The following SRPRB variants were observed in gnomAD, a reference collection of about 807,000 sequenced individuals.
The protein encoded by SRPRB is signal recognition particle receptor subunit beta.
In SRPRB, 20 loss-of-function variants were observed where a neutral mutation model predicts 31.9. That is an observed-to-expected ratio of 0.63 (90% CI 0.44 to 0.91). The LOEUF (loss-of-function observed/expected upper bound fraction) is 0.91, where lower values mean the gene tolerates loss of function less well. Among genes scored for constraint, SRPRB ranks in the 40% least tolerant of loss-of-function variants. The pLI is 0.00. For synonymous variants in SRPRB, 146 were observed against 132.8 expected, an observed-to-expected ratio of 1.10 and a Z score of -0.68; for missense variants, 321 against 324.9, an observed-to-expected ratio of 0.99 and a Z score of 0.09.
chr3:133,819,212 C>T (rs1371202019), intron 6 of SRPRB, among the ~76,000 whole-genome samples: 1 of 152,130 alleles, frequency 6.6e-6, no homozygotes, highest in Admixed American at 6.5e-5. Context: ...GTTTTTATAA[C>T]ACTTAAAGCA....
Position 133,819,999 on chromosome 3 carries a change from C to T in SRPRB, c.*233C>T, listed in dbSNP as rs1935442661. On this transcript the variant is annotated 3_prime_UTR_variant, in exon 7 of 7. Coordinates refer to ENST00000678299, the MANE Select transcript of SRPRB (RefSeq NM_001379313.1). The stretch of plus-strand genomic sequence containing the variant: ...AGTACCTTTTATCTGATGCCTGTAT[C>T]TTCCCTTTGTTAAGGTGTAACTTGA... The T allele has an allele frequency of 4.1e-6, 2 of 493,492 alleles. No individual in the cohort carries two copies. Among genetic ancestry groups the T allele is most frequent in the Non-Finnish European group, 7.3e-6 (2 of 274,584 alleles). The allele number at this position is 493,492 out of a possible 1,614,324, so 30.6% of individuals were successfully genotyped here.
At chr3:133,818,381 G>T (rs561405935) in intron 6 of SRPRB, among the ~76,000 whole-genome samples, 2 of 152,132 alleles carry the variant, frequency 1.3e-5, no homozygotes, top group African/African-American at 4.8e-5. Flanking sequence ...GCATTGAAAG[G>T]CAATGCTTTC....
intron 6 of SRPRB, among the ~76,000 whole-genome samples, chr3:133,819,033 G>A (rs1372931116): frequency 1.3e-5 from 2 of 152,084 alleles, no homozygotes; most frequent in Non-Finnish European, 2.9e-5. Context: ...TGGCAGTAAG[G>A]GGACTTACAT....
At chr3:133,794,241 A>G (rs1314716804) in intron 1 of SRPRB, 1 of 152,246 alleles carries the variant, frequency 6.6e-6, no homozygotes, top group Non-Finnish European at 1.5e-5. Context: ...CGGAAAAGAT[A>G]AAATGATCCA....
At chr3:133,814,344 G>A (rs1203666419) in intron 4 of SRPRB, among the ~76,000 whole-genome samples, 3 of 152,120 alleles carry the variant, frequency 2.0e-5, no homozygotes, top group Non-Finnish European at 2.9e-5. Context: ...TGTTAGCCAG[G>A]ATGGTCTCGA....
In SRPRB at chr3:133,811,110, T is replaced by C; in HGVS notation, c.328-7T>C. 6.2e-7 allele frequency: 1 copy of C among 1,613,940 alleles called. No individual in the cohort carries two copies. The highest frequency in any genetic ancestry group is 1.3e-5 in the African/African-American group (1 of 75,042). On this transcript the variant is annotated splice_polypyrimidine_tract_variant and splice_region_variant and intron_variant, in intron 3 of 6. Transcript: ENST00000678299. ...TGAAACGTTAATGTTATTGCTGCCATCCCCAGGGCAATAGTCTGACCTTGA... is the reference window on the plus strand; with the variant it reads ...TGAAACGTTAATGTTATTGCTGCCACCCCCAGGGCAATAGTCTGACCTTGA...
intron 1 of SRPRB, chr3:133,792,741 T>A (rs1364602725): frequency 6.6e-6 from 1 of 152,006 alleles, no homozygotes; most frequent in East Asian, 1.9e-4. Flanking sequence ...GTCTAAAGGG[T>A]TAAAGGATTG....
At chr3:133,784,670 G>T (rs1934611946) in intron 1 of SRPRB, 1 of 151,912 alleles carries the variant, frequency 6.6e-6, no homozygotes, top group Non-Finnish European at 1.5e-5. Flanking sequence ...CTCTAATAAT[G>T]CCTGATGATC....
downstream of SRPRB, chr3:133,827,652 G>A (rs1223378935): frequency 1.8e-6 from 1 of 543,224 alleles, no homozygotes; most frequent in African/African-American, 1.9e-5. Flanking sequence ...TGAAAACATA[G>A]CAACAAATCA....
At chr3:133,815,463 A>T in intron 4 of SRPRB, 127 bp from the exon 5 acceptor site, 1 of 1,067,116 alleles carries the variant, frequency 9.4e-7, no homozygotes, top group Non-Finnish European at 1.4e-6. Flanking sequence ...ATATGCACAG[A>T]CCTGCATGTG....
At chr3:133,793,190 CAA>C (rs1187845274) in intron 1 of SRPRB, 2 of 152,050 alleles carry the variant, frequency 1.3e-5, no homozygotes, top group African/African-American at 2.4e-5. Flanking sequence ...AAGGGAAAGA[CAA>C]GAGACAGATT....
rs114109006 is a variant in SRPRB at position 133,816,461 on chromosome 3, G to A, written c.548-417G>A. 9.7e-4 allele frequency among the ~76,000 whole-genome samples: 148 copies of A among 152,272 alleles called. 1 individual carries two copies. The highest frequency in any genetic ancestry group is 6.8e-3 in the Middle Eastern group (2 of 294). On this transcript the variant is annotated intron_variant, in intron 5 of 6. Transcript: ENST00000678299. The stretch of plus-strand genomic sequence containing the variant: ...GTACACTTAATGCTTTAAACATACC[G>A]TCTTAGGATCAATTGGAAACATGCT...
chr3:133,806,163 C>T (rs1482377348), intron 1 of SRPRB, among the ~76,000 whole-genome samples, 161 bp downstream of exon 1: 1 of 152,158 alleles, frequency 6.6e-6, no homozygotes, highest in Non-Finnish European at 1.5e-5. Flanking sequence ...CCTGAAGCAG[C>T]GGCAGCAGCT....
chr3:133,816,770 AAG>A, intron 5 of SRPRB, 106 bp from the exon 6 acceptor site: 6 of 810,964 alleles, frequency 7.4e-6, no homozygotes, highest in Non-Finnish European at 9.4e-6. Flanking sequence ...TTTTTAAAAA[AAG>A]AGAAAAACTT....
chr3:133,817,077 T>G (rs1935381292), intron 6 of SRPRB, 145 bp downstream of exon 6: 2 of 593,712 alleles, frequency 3.4e-6, no homozygotes, highest in South Asian at 1.3e-4. Flanking sequence ...GTTAAATAAT[T>G]TACAAAATAA....
chr3:133,807,740 T>C lies in SRPRB; in HGVS notation c.250-6T>C. On this transcript the variant is annotated splice_polypyrimidine_tract_variant and splice_region_variant and intron_variant, in intron 2 of 6. Transcript: ENST00000678299. The stretch of plus-strand genomic sequence containing the variant: ...TTGAATATCACCCATCTTGTTTTTT[T>C]TACAGTTGTTAACAGGCCTTTATAG... The C allele has an allele frequency of 6.2e-7, 1 of 1,607,736 alleles. No individual in the cohort carries two copies. Among genetic ancestry groups the C allele is most frequent in the Non-Finnish European group, 8.5e-7 (1 of 1,175,740 alleles).
At chr3:133,804,211 C>CA (rs1490406957), upstream of SRPRB, among the ~76,000 whole-genome samples, 1 of 152,012 alleles carries the variant, frequency 6.6e-6, no homozygotes, top group Non-Finnish European at 1.5e-5. Flanking sequence ...CTGCCTTGGC[C>CA]TCCCAAAGCG....
chr3:133,822,346 G>C (rs745879302), downstream of SRPRB, among the ~76,000 whole-genome samples: 1 of 152,138 alleles, frequency 6.6e-6, no homozygotes, highest in Admixed American at 6.5e-5. Flanking sequence ...TGATGAGTGA[G>C]CCCCAGGCAC....
At chr3:133,821,988 G>A (rs956452523), downstream of SRPRB, among the ~76,000 whole-genome samples, 2 of 152,196 alleles carry the variant, frequency 1.3e-5, no homozygotes, top group Admixed American at 6.5e-5. Context: ...GGGCCAGGAT[G>A]AGGTCATGGT....
Sources: allele counts gnomAD v4.1 joint callset (sites outside exome capture counted in the v4.1 genomes callset), GRCh38; gene constraint gnomAD v4.1.1; transcripts MANE v1.5; gene names NCBI Gene and HGNC (gene_info 2026-07-23, HGNC 2026-07-21).